Variants in RADIL observed in about 807,000 individuals in gnomAD.
RADIL encodes Rap associating with DIL domain.
Under a neutral mutation model 97.6 loss-of-function variants are expected in RADIL, and 99 were observed. The observed-to-expected ratio is 1.01, with a 90% CI of 0.86 to 1.20. The LOEUF is 1.20. Among genes scored for constraint, RADIL ranks in the 50% most tolerant of loss-of-function variants. The pLI, the probability that RADIL is intolerant of heterozygous loss-of-function variation, is 0.00. For synonymous variants in RADIL, 803 were observed against 691.8 expected (o/e 1.16, Z -2.52); for missense variants, 1,765 against 1,498.9 (o/e 1.18, Z -2.93).
Position 4,797,425 on chromosome 7 carries a change from G to A in RADIL, c.*1953C>T, listed in dbSNP as rs565377970. 6.6e-6 allele frequency: 1 copy of A among 152,350 alleles called. No individual in the cohort carries two copies. Among genetic ancestry groups the A allele is most frequent in the East Asian group, 1.9e-4 (1 of 5,190 alleles). The allele number at this position is 152,350 out of a possible 1,614,324, so 9.4% of individuals were successfully genotyped here. A position where few individuals can be genotyped will look rare whatever the true frequency, so the allele number is the denominator to read the frequency against. ...AGTCAGAAGGCCGGAGAATATTGCA[G>A]GGAAGAAGAGATAAGCCCCCTTCTC... On this transcript the variant is annotated 3_prime_UTR_variant, in exon 15 of 15. Coordinates refer to ENST00000399583, the MANE Select transcript of RADIL (RefSeq NM_018059.5).
chr7:4,859,697 A>G lies in RADIL; in HGVS notation c.535+17908T>C, dbSNP rs151294011. 2.1e-3 allele frequency: 1,204 copies of G among 580,806 alleles called. 9 individuals carry two copies. In the African/African-American group the frequency reaches 0.021, roughly 10 times the overall value. The allele number at this position is 580,806 out of a possible 1,614,324, so 36.0% of individuals were successfully genotyped here. ...TTCAACCTGTTTTACTGAATTCTTGATAACAGGAATTGGATTTGCAGGGAG... is the reference window on the plus strand; with the variant it reads ...TTCAACCTGTTTTACTGAATTCTTGGTAACAGGAATTGGATTTGCAGGGAG... On this transcript the variant is annotated intron_variant, in intron 2 of 14. Transcript: ENST00000399583.
chr7:4,841,127 G>A (rs1288091640), intron 2 of RADIL, among the ~76,000 whole-genome samples: 1 of 152,248 alleles, frequency 6.6e-6, no homozygotes, highest in East Asian at 1.9e-4. Context: ...TGTGGGTGAA[G>A]GAGACACCTC....
chr7:4,815,245 C>A lies in RADIL; in HGVS notation c.2139+33G>T, dbSNP rs904253769. 12 of 1,501,216 alleles carry A rather than the reference C, an allele frequency of 8.0e-6. No homozygotes were observed. In the African/African-American group the frequency reaches 1.7e-4, roughly 21 times the overall value. The allele number at this position is 1,501,216 out of a possible 1,614,324, so 93.0% of individuals were successfully genotyped here. A position where few individuals can be genotyped will look rare whatever the true frequency, so the allele number is the denominator to read the frequency against. The stretch of plus-strand genomic sequence containing the variant: ...CCCACAGCATGTGGCCCCGCCCCTC[C>A]CCACACTCGCCGCCTCCCATGCGCA... On this transcript the variant is annotated intron_variant, in intron 9 of 14. Coordinates refer to ENST00000399583, the MANE Select transcript of RADIL (RefSeq NM_018059.5). This position sits in a 1 kb window ranked among gnomAD's most constrained non-coding sequence, Gnocchi z 8.0.
rs117093264 is a variant in RADIL at position 4,849,786 on chromosome 7, G to A, written c.536-13181C>T. Among the ~76,000 whole-genome samples, 16 of 152,164 alleles carry A rather than the reference G, an allele frequency of 1.1e-4. No homozygotes were observed. In the East Asian group the frequency reaches 1.7e-3, roughly 17 times the overall value. ...ATTTCACTCCTGCATACCTTTCTGC[G>A]TACGCACAAAACGAACACAGATCAC... On this transcript the variant is annotated intron_variant, in intron 2 of 14. Transcript: ENST00000399583. The surrounding 1 kb of genome is among the most constrained non-coding windows in gnomAD (Gnocchi z 5.4).
At chr7:4,801,507 A>G (rs960054784) in intron 12 of RADIL, 146 bp downstream of exon 12, 3 of 885,354 alleles carry the variant, frequency 3.4e-6, no homozygotes, top group East Asian at 5.3e-5. Context: ...AGCCCTCTCC[A>G]TCTGGCCCCG....
Position 4,834,241 on chromosome 7 carries a change from A to C in RADIL, c.1416+366T>G, listed in dbSNP as rs373016075. ...TGGGCAGGGGCCTGTGAGAGCTATC[A>C]ATGTCACCTCGGCCTCGTGGTGCCC... On this transcript the variant is annotated intron_variant, in intron 4 of 14. Transcript: ENST00000399583. This position sits in a 1 kb window ranked among gnomAD's most constrained non-coding sequence, Gnocchi z 6.0. 3.4e-4 allele frequency among the ~76,000 whole-genome samples: 52 copies of C among 152,176 alleles called. No homozygotes were observed. The highest frequency in any genetic ancestry group is 1.2e-3 in the African/African-American group (51 of 41,534).
At position 4,835,305 on chromosome 7, in the gene RADIL, C is replaced by G. The variant is rs1242892994; in HGVS notation, c.784-66G>C. The G allele has an allele frequency of 1.3e-6, 2 of 1,556,522 alleles. No homozygotes were observed. Among genetic ancestry groups the G allele is most frequent in the East Asian group, 2.4e-5 (1 of 42,436 alleles). On this transcript the variant is annotated intron_variant, in intron 3 of 14. Coordinates refer to ENST00000399583, the MANE Select transcript of RADIL (RefSeq NM_018059.5). The surrounding 1 kb of genome is among the most constrained non-coding windows in gnomAD (Gnocchi z 5.8). ...AGCACACGGGAAAAGCGTCCCGTGT[C>G]TAGTCACTGGTTGCTGAAGCAGCGT...
At position 4,821,641 on chromosome 7, in the gene RADIL, G is replaced by A. The variant is rs535516471; in HGVS notation, c.1615+753C>T. 9.2e-5 allele frequency among the ~76,000 whole-genome samples: 14 copies of A among 151,946 alleles called. No individual in the cohort carries two copies. Among genetic ancestry groups the A allele is most frequent in the East Asian group, 1.9e-4 (1 of 5,178 alleles). ...GCACTTTGGGAGGCTGAGGTGGGGC[G>A]GATCAGGAGTTTGAGACCAGCCTGG... On this transcript the variant is annotated intron_variant, in intron 6 of 14. Coordinates refer to ENST00000399583, the MANE Select transcript of RADIL (RefSeq NM_018059.5). This position sits in a 1 kb window ranked among gnomAD's most constrained non-coding sequence, Gnocchi z 5.2.
chr7:4,853,127 G>A (rs1336738971), intron 2 of RADIL, among the ~76,000 whole-genome samples: 1 of 152,130 alleles, frequency 6.6e-6, no homozygotes. Context: ...GTGTAGCTAT[G>A]GATCACTGGA....
intron 2 of RADIL, among the ~76,000 whole-genome samples, chr7:4,869,989 A>G (rs750599627): frequency 4.6e-5 from 7 of 152,320 alleles, no homozygotes; most frequent in Non-Finnish European, 1.0e-4. Context: ...AAATAAAGAA[A>G]TAAGTCGAGT....
intron 4 of RADIL, among the ~76,000 whole-genome samples, chr7:4,833,873 G>A (rs915672616): frequency 1.3e-5 from 2 of 152,182 alleles, no homozygotes; most frequent in Non-Finnish European, 2.9e-5. Context: ...CGGCCACACT[G>A]GATTCCTGGG....
intron 4 of RADIL, 142 bp from the exon 5 acceptor site, chr7:4,832,320 G>T: frequency 1.3e-6 from 1 of 788,318 alleles, no homozygotes; most frequent in Non-Finnish European, 2.1e-6. Flanking sequence ...TATTCAAGCT[G>T]TGCTGGAAAG....
chr7:4,822,305 G>T lies in RADIL; in HGVS notation c.1615+89C>A. 1 of 1,418,852 alleles carries T rather than the reference G, an allele frequency of 7.0e-7. No individual in the cohort carries two copies. The highest frequency in any genetic ancestry group is 9.4e-7 in the Non-Finnish European group (1 of 1,060,514). 87.9% of individuals were successfully genotyped at this position (1,418,852 alleles called of 1,614,324 possible). The stretch of plus-strand genomic sequence containing the variant: ...GCATGAATCCACCCCTGCTATCATG[G>T]CCAACTAGGTTCCGAGGACGGCGAG... On this transcript the variant is annotated intron_variant, in intron 6 of 14. Transcript: ENST00000399583. This position sits in a 1 kb window ranked among gnomAD's most constrained non-coding sequence, Gnocchi z 5.3.
intron 5 of RADIL, among the ~76,000 whole-genome samples, chr7:4,825,883 G>GAAAA (rs540147941): frequency 2.0e-5 from 1 of 51,024 alleles, no homozygotes; most frequent in African/African-American, 4.9e-5. Flanking sequence ...CTCCGTCTCA[G>GAAAA]AAAAAAAAAA....
intron 9 of RADIL, chr7:4,809,577 C>T (rs1782477712): frequency 1.0e-6 from 1 of 985,366 alleles, no homozygotes; most frequent in African/African-American, 1.7e-5. Context: ...GGTCCCGCCC[C>T]ACTTCCAGCC....
chr7:4,801,994 C>A lies in RADIL; in HGVS notation c.2501G>T (p.Gly834Val), dbSNP rs1006971668. Residue 834 changes from glycine (G) to valine (V), a missense_variant and splice_region_variant, in exon 12 of 15, where the codon GGT becomes GTT. Physicochemically the swap from Gly to Val is moderately radical, Grantham distance 109. Transcript: ENST00000399583. Reference protein sequence around the residue: ...SGASQPVCPEGMHHVVLDGHL... With the variant: ...SGASQPVCPEVMHHVVLDGHL... ...CCCGTCAAGGACCACGTGGTGCATA[C>A]CCTAGGGAGAGGAAGGGTGACAGCT... The A allele has an allele frequency of 2.0e-6, 3 of 1,509,286 alleles. No individual in the cohort carries two copies. The highest frequency in any genetic ancestry group is 1.4e-5 in the African/African-American group (1 of 71,466). The allele number at this position is 1,509,286 out of a possible 1,614,324, so 93.5% of individuals were successfully genotyped here. A position where few individuals can be genotyped will look rare whatever the true frequency, so the allele number is the denominator to read the frequency against.
rs1001094405 is a variant in RADIL, at chr7:4,819,038, G to A, written c.1616-1687C>T. ...ATTACAGGCATGCACCCCTGCACCC[G>A]GCCCTGAGACTCCATTTCTCTCTCT... On this transcript the variant is annotated intron_variant, in intron 6 of 14. Coordinates refer to ENST00000399583, the MANE Select transcript of RADIL (RefSeq NM_018059.5). The surrounding 1 kb of genome is among the most constrained non-coding windows in gnomAD (Gnocchi z 5.8). Among the ~76,000 whole-genome samples, 11 of 150,730 alleles carry A rather than the reference G, an allele frequency of 7.3e-5. No individual in the cohort carries two copies. Among genetic ancestry groups the A allele is most frequent in the Non-Finnish European group, 1.5e-4 (10 of 67,718 alleles).
intron 2 of RADIL, among the ~76,000 whole-genome samples, chr7:4,841,294 G>A (rs560701956): frequency 4.1e-4 from 63 of 152,340 alleles, no homozygotes; most frequent in Middle Eastern, 3.4e-3. Context: ...TGGGATCAGA[G>A]GTGCTGCGTA....
rs1187523896 is a variant in RADIL, at chr7:4,800,287, C to T, written c.2866G>A (p.Glu956Lys). The change falls in exon 13 of 15, where the codon GAG (glutamate) becomes AAG (lysine). Residue 956 changes from glutamate to lysine, a missense_variant. Transcript: ENST00000399583. ...PEGDSAALAE[E>K]SPPAPSSRSS... ...CGGCTGGACGGGGCTGGAGGGGACTCCTCCGCAAGGGCTGCAGAGTCTCCT... is the reference window on the plus strand; with the variant it reads ...CGGCTGGACGGGGCTGGAGGGGACTTCTCCGCAAGGGCTGCAGAGTCTCCT... 8.0e-6 allele frequency: 12 copies of T among 1,504,112 alleles called. No homozygotes were observed. Among genetic ancestry groups the T allele is most frequent in the Non-Finnish European group, 1.1e-5 (12 of 1,128,742 alleles). The allele number at this position is 1,504,112 out of a possible 1,614,324, so 93.2% of individuals were successfully genotyped here. A position where few individuals can be genotyped will look rare whatever the true frequency, so the allele number is the denominator to read the frequency against.
Sources: gnomAD v4.1 joint callset for allele counts (sites outside exome capture counted in the v4.1 genomes callset) on GRCh38, gnomAD v4.1.1 for gene constraint, Gnocchi (gnomAD v3.1) non-coding constraint, MANE v1.5 for transcripts, NCBI Gene and HGNC (gene_info 2026-07-23, HGNC 2026-07-21) for gene names.